CFAP99: variants seen among roughly 807,000 people sequenced by gnomAD.
CFAP99 encodes cilia- and flagella-associated protein 99.
A neutral mutation model predicts 82.7 loss-of-function variants in CFAP99; 84 were observed. The observed-to-expected ratio is 1.02, with a 90% CI of 0.85 to 1.22. The LOEUF (loss-of-function observed/expected upper bound fraction) is 1.22, where lower values mean the gene tolerates loss of function less well. CFAP99 is among the 50% of genes most tolerant of loss of function. The pLI is 0.00. For synonymous variants in CFAP99, 456 were observed against 429.5 expected, an observed-to-expected ratio of 1.06 and a Z score of -0.76; for missense variants, 1,059 against 983.5, an observed-to-expected ratio of 1.08 and a Z score of -1.03.
chr4:2,450,220 C>G (rs1734272310), intron 8 of CFAP99: 1 of 591,316 alleles, frequency 1.7e-6, no homozygotes, highest in Admixed American at 2.9e-5. Flanking sequence ...CCCACATCCC[C>G]CAGGAGGAAG....
At chr4:2,452,406 G>C in intron 11 of CFAP99, 60 bp downstream of exon 11, 2 of 1,500,056 alleles carry the variant, frequency 1.3e-6, no homozygotes, top group Non-Finnish European at 1.8e-6. Context: ...TGCCCACCGG[G>C]AGCTGCAGGG....
intron 11 of CFAP99, among the ~76,000 whole-genome samples, chr4:2,457,395 G>A (rs73791831): frequency 0.049 from 7,448 of 152,268 alleles, 614 homozygotes; most frequent in African/African-American, 0.17. Flanking sequence ...CTGAAAGTTC[G>A]GACTTGGTGC....
At chr4:2,444,955 A>T (rs1042828737) in intron 5 of CFAP99, among the ~76,000 whole-genome samples, 176 bp from the exon 6 acceptor site, 3 of 152,174 alleles carry the variant, frequency 2.0e-5, no homozygotes, top group Non-Finnish European at 4.4e-5. Flanking sequence ...TTTAGTTGAC[A>T]GCGTGTATGC....
chr4:2,443,350 CTA>C lies in CFAP99; in HGVS notation c.464+110_464+111del, dbSNP rs1160899842. ...GTTCCCCTTCCTGCTCCCAGAAGCT[CTA>C]TGAGTGTCAGTAATCACTCCGTGTT... On this transcript the variant is annotated intron_variant, in intron 5 of 14. Transcript: ENST00000635017. The C allele has an allele frequency of 1.3e-5, 9 of 694,478 alleles. No homozygotes were observed. The African/African-American group carries it at 1.4e-4, about 11-fold the overall frequency. The allele number at this position is 694,478 out of a possible 1,614,324, so 43.0% of individuals were successfully genotyped here. A position where few individuals can be genotyped will look rare whatever the true frequency, so the allele number is the denominator to read the frequency against.
intron 11 of CFAP99, among the ~76,000 whole-genome samples, chr4:2,454,171 T>C (rs1467160163): frequency 6.6e-6 from 1 of 152,188 alleles, no homozygotes; most frequent in Non-Finnish European, 1.5e-5. Context: ...CTATTTCTTT[T>C]TTTGTATTTG....
chr4:2,448,365 T>G lies in CFAP99; in HGVS notation c.643-1305T>G, dbSNP rs1331103343. Among the ~76,000 whole-genome samples, 1 of 152,172 alleles carries G rather than the reference T, an allele frequency of 6.6e-6. No homozygotes were observed. The highest frequency in any genetic ancestry group is 1.5e-5 in the Non-Finnish European group (1 of 68,040). ...GTGCCTCTCAGTACAATCTGTGAGA[T>G]GTTTGTGGACATGTACCTTCTCTGC... On this transcript the variant is annotated intron_variant, in intron 6 of 14. Coordinates refer to ENST00000635017, the Ensembl canonical transcript of CFAP99. This position sits in a 1 kb window ranked among gnomAD's most constrained non-coding sequence, Gnocchi z 5.2.
At chr4:2,458,602 T>C (rs990067758) in intron 11 of CFAP99, 121 bp from the exon 12 acceptor site, 1 of 1,281,722 alleles carries the variant, frequency 7.8e-7, no homozygotes, top group African/African-American at 1.5e-5. Flanking sequence ...GGTTCTGGGG[T>C]GATTCAAGGG....
Position 2,452,129 on chromosome 4 carries a change from CCT to C in CFAP99, c.957-10_957-9del. ...AGAAACCCCAAGCTGTGCTTCTGTC[CCT>C]CTTTGCCCAGGGTTGATAAGCTCGT... On this transcript the variant is annotated splice_polypyrimidine_tract_variant and intron_variant, in intron 10 of 14. Coordinates refer to ENST00000635017, the Ensembl canonical transcript of CFAP99. The C allele has an allele frequency of 6.5e-7, 1 of 1,535,670 alleles. No individual in the cohort carries two copies. The highest frequency in any genetic ancestry group is 2.4e-5 in the East Asian group (1 of 40,900).
At chr4:2,459,405 C>A in intron 13 of CFAP99, 147 bp downstream of exon 13, 1 of 1,010,992 alleles carries the variant, frequency 9.9e-7, no homozygotes, top group Non-Finnish European at 1.4e-6. Flanking sequence ...TGACTCAACA[C>A]CCATGTGCCG....
At chr4:2,449,716 A>T (rs1164908539) in exon 7 of CFAP99, 4 of 1,535,970 alleles carry the variant, frequency 2.6e-6, no homozygotes, top group Non-Finnish European at 3.5e-6. Context: ...CAGCAGCTGG[A>T]GACAGTCAAG....
rs1202212321 is a variant in CFAP99 at position 2,462,476 on chromosome 4, G to A, written c.1695G>A (p.Pro565=). 3 of 1,470,974 alleles carry A rather than the reference G, an allele frequency of 2.0e-6. No individual in the cohort carries two copies. Among genetic ancestry groups the A allele is most frequent in the Admixed American group, 2.5e-5 (1 of 39,852 alleles). 91.1% of individuals were successfully genotyped at this position (1,470,974 alleles called of 1,614,324 possible). ...AAAAGAAGGCCCTTGCGGCGGCCCC[G>A]GCGGCGCCCTCGCAGGACGAGCGCG... The change falls in exon 15 of 15, where the codon CCG becomes CCA. Residue 565 remains proline (P), a synonymous_variant. Coordinates refer to ENST00000635017, the Ensembl canonical transcript of CFAP99. This position sits in a 1 kb window ranked among gnomAD's most constrained non-coding sequence, Gnocchi z 4.1.
chr4:2,462,360 C>G lies in CFAP99; in HGVS notation c.1662-83C>G. On this transcript the variant is annotated intron_variant, in intron 14 of 14. Transcript: ENST00000635017. This position sits in a 1 kb window ranked among gnomAD's most constrained non-coding sequence, Gnocchi z 4.1. ...CCGGCTGCGTAGCTCCTTGCCCCCGCGTCGCTTGGACACGGGTGGCATCCT... is the reference window on the plus strand; with the variant it reads ...CCGGCTGCGTAGCTCCTTGCCCCCGGGTCGCTTGGACACGGGTGGCATCCT... 7.7e-7 allele frequency: 1 copy of G among 1,291,844 alleles called. No homozygotes were observed. Among genetic ancestry groups the G allele is most frequent in the Non-Finnish European group, 1.0e-6 (1 of 1,003,362 alleles). The allele number at this position is 1,291,844 out of a possible 1,614,324, so 80.0% of individuals were successfully genotyped here.
intron 11 of CFAP99, among the ~76,000 whole-genome samples, chr4:2,454,581 C>CTTTTTTTTTTTTTTTTTTTT (rs200727697): frequency 8.1e-4 from 77 of 94,640 alleles, no homozygotes; most frequent in Non-Finnish European, 1.0e-3. Context: ...TGTTTTTTTT[C>CTTTTTTTTTTTTTTTTTTTT]TTTTTTTTTT....
intron 1 of CFAP99, among the ~76,000 whole-genome samples, chr4:2,423,169 G>T (rs1272725901): frequency 1.3e-5 from 2 of 152,218 alleles, no homozygotes; most frequent in Non-Finnish European, 2.9e-5. Context: ...CAATGCCCCA[G>T]AAAAGTGCTT....
At chr4:2,437,004 A>G in exon 3 of CFAP99, 1 of 1,536,022 alleles carries the variant, frequency 6.5e-7, no homozygotes, top group Non-Finnish European at 8.7e-7. Flanking sequence ...CGGGTTGACC[A>G]CAGCCGCTTC....
chr4:2,442,045 G>A (rs1734054093), intron 4 of CFAP99, among the ~76,000 whole-genome samples: 1 of 152,200 alleles, frequency 6.6e-6, no homozygotes, highest in Admixed American at 6.5e-5. Context: ...ACTCCAGCAG[G>A]TTCCGGGTAG....
chr4:2,459,176 G>T (rs986844581), exon 13 of CFAP99: 1 of 1,535,606 alleles, frequency 6.5e-7, no homozygotes. Flanking sequence ...GAGGAGCAGC[G>T]GCGCCGTTGT....
At chr4:2,461,939 CCA>C (rs1734629845) in intron 14 of CFAP99, among the ~76,000 whole-genome samples, 1 of 151,876 alleles carries the variant, frequency 6.6e-6, no homozygotes, top group African/African-American at 2.4e-5. Context: ...CATTTGTACC[CCA>C]GTTATGCATA....
At chr4:2,431,462 G>C (rs1202406586) in intron 2 of CFAP99, among the ~76,000 whole-genome samples, 1 of 152,150 alleles carries the variant, frequency 6.6e-6, no homozygotes, top group Non-Finnish European at 1.5e-5. Flanking sequence ...TAAGGATCTA[G>C]AGGTGAGATA....
Sources: gnomAD v4.1 joint callset for allele counts (sites outside exome capture counted in the v4.1 genomes callset) on GRCh38, gnomAD v4.1.1 for gene constraint, Gnocchi (gnomAD v3.1) non-coding constraint, MANE v1.5 for transcripts, NCBI Gene and HGNC (gene_info 2026-07-23, HGNC 2026-07-21) for gene names.